The following FHIT variants were observed in gnomAD, a reference collection of about 807,000 sequenced individuals.
FHIT encodes the protein bis(5'-adenosyl)-triphosphatase.
FHIT carries 19 observed loss-of-function variants against 17.9 expected under a neutral mutation model. That is an observed-to-expected ratio of 1.06 (90% CI 0.74 to 1.56). FHIT has a LOEUF of 1.56. Among genes scored for constraint, FHIT ranks in the 40% most tolerant of loss-of-function variants. The probability of loss-of-function intolerance (pLI) is 0.00; values close to 1 mark genes in which losing one functional copy is unlikely to be tolerated. For missense variants in FHIT, 248 were observed against 189.2 expected, an observed-to-expected ratio of 1.31 and a Z score of -1.82; for synonymous variants, 81 against 69.7, an observed-to-expected ratio of 1.16 and a Z score of -0.81.
At chr3:60,892,191 GT>G (rs1705549276) in intron 3 of FHIT, among the ~76,000 whole-genome samples, 1 of 152,148 alleles carries the variant, frequency 6.6e-6, no homozygotes, top group South Asian at 2.1e-4. Context: ...GGTTTGTTTG[GT>G]TTTTTCTTTT....
At chr3:59,966,800 T>C (rs1209280445) in intron 7 of FHIT, among the ~76,000 whole-genome samples, 1 of 152,162 alleles carries the variant, frequency 6.6e-6, no homozygotes, top group Non-Finnish European at 1.5e-5. Flanking sequence ...GGCATTACTG[T>C]ACATTTCTAT....
chr3:60,712,987 C>T (rs1233389317), intron 4 of FHIT, among the ~76,000 whole-genome samples: 2 of 150,588 alleles, frequency 1.3e-5, no homozygotes, highest in Admixed American at 6.6e-5. Flanking sequence ...CTTTTCAGCA[C>T]CACACCACAC....
chr3:60,847,710 C>T (rs1553746984), intron 3 of FHIT, among the ~76,000 whole-genome samples: 4 of 152,074 alleles, frequency 2.6e-5, no homozygotes, highest in Admixed American at 6.6e-5. Context: ...TTCCTTCCTC[C>T]CTTTCTTCTT....
At chr3:60,039,002 G>C (rs1427836554) in intron 5 of FHIT, among the ~76,000 whole-genome samples, 1 of 152,118 alleles carries the variant, frequency 6.6e-6, no homozygotes, top group African/African-American at 2.4e-5. Context: ...CAGAAGGTCT[G>C]GCTCTGAACT....
intron 5 of FHIT, among the ~76,000 whole-genome samples, chr3:60,364,936 C>A (rs944030709): frequency 6.6e-6 from 1 of 152,020 alleles, no homozygotes; most frequent in East Asian, 1.9e-4. Flanking sequence ...TAAATCATAC[C>A]ATAGGCTTTC....
intron 5 of FHIT, among the ~76,000 whole-genome samples, chr3:60,155,322 AC>A (rs2107345014): frequency 6.6e-6 from 1 of 152,172 alleles, no homozygotes; most frequent in Admixed American, 6.5e-5. Flanking sequence ...GAATTGCTCC[AC>A]CAGCAGGTTC....
At chr3:60,514,172 G>T (rs2035057415) in intron 5 of FHIT, among the ~76,000 whole-genome samples, 1 of 152,202 alleles carries the variant, frequency 6.6e-6, no homozygotes, top group Non-Finnish European at 1.5e-5. Flanking sequence ...AAGAATTCAG[G>T]AGGCACTGGG....
At chr3:60,635,462 AC>A (rs1445944436) in intron 4 of FHIT, among the ~76,000 whole-genome samples, 2 of 150,604 alleles carry the variant, frequency 1.3e-5, no homozygotes, top group Non-Finnish European at 3.0e-5. Flanking sequence ...TTGCACATAA[AC>A]CCCCCAACCA....
intron 5 of FHIT, among the ~76,000 whole-genome samples, chr3:60,311,245 C>G (rs1481512389): frequency 8.9e-6 from 1 of 112,710 alleles, no homozygotes; most frequent in Admixed American, 1.0e-4. Context: ...ACCCCTCTAC[C>G]CCAACGTGTG....
chr3:61,232,074 C>T (rs1014410959), intron 1 of FHIT, among the ~76,000 whole-genome samples: 1 of 152,098 alleles, frequency 6.6e-6, no homozygotes, highest in Non-Finnish European at 1.5e-5. Flanking sequence ...CAAGACTGTC[C>T]ATATGTAAAA....
At chr3:60,285,150 T>C (rs1195816046) in intron 5 of FHIT, among the ~76,000 whole-genome samples, 2 of 152,280 alleles carry the variant, frequency 1.3e-5, no homozygotes, top group South Asian at 2.1e-4. Flanking sequence ...CACTGGTTTC[T>C]TCATTAAAGA....
At chr3:61,229,900 G>A (rs1290959893) in intron 1 of FHIT, among the ~76,000 whole-genome samples, 4 of 152,032 alleles carry the variant, frequency 2.6e-5, no homozygotes, top group Admixed American at 1.3e-4. Context: ...TGGGAGGCTG[G>A]AATAAACATC....
chr3:60,438,639 GTTAAC>G (rs1464736855), intron 5 of FHIT, among the ~76,000 whole-genome samples: 4 of 152,210 alleles, frequency 2.6e-5, no homozygotes, highest in East Asian at 3.9e-4. Context: ...ATTACACACT[GTTAAC>G]TTAAATAACA....
intron 5 of FHIT, among the ~76,000 whole-genome samples, chr3:60,202,739 G>A (rs1317008895): frequency 6.6e-6 from 1 of 152,046 alleles, no homozygotes; most frequent in Non-Finnish European, 1.5e-5. Context: ...CCATCATAAG[G>A]CCAAGAATCA....
At chr3:60,185,232 T>G (rs887871911) in intron 5 of FHIT, among the ~76,000 whole-genome samples, 1 of 152,084 alleles carries the variant, frequency 6.6e-6, no homozygotes, top group South Asian at 2.1e-4. Context: ...CAGCGTCAAA[T>G]TGAATAGTTT....
chr3:59,940,459 G>C (rs922317543), intron 7 of FHIT, among the ~76,000 whole-genome samples: 3 of 152,138 alleles, frequency 2.0e-5, no homozygotes, highest in Non-Finnish European at 4.4e-5. Context: ...CTAATGTGGA[G>C]TCAATATACT....
chr3:60,530,878 G>A (rs956679636), intron 5 of FHIT, among the ~76,000 whole-genome samples: 6 of 152,182 alleles, frequency 3.9e-5, no homozygotes, highest in Non-Finnish European at 8.8e-5. Flanking sequence ...GCTATCAGAA[G>A]CTGCTTGTAG....
chr3:61,249,043 T>C (rs2040550953), intron 1 of FHIT, among the ~76,000 whole-genome samples: 1 of 152,334 alleles, frequency 6.6e-6, no homozygotes, highest in Admixed American at 6.5e-5. Flanking sequence ...TTTGTTGAAT[T>C]CATGAAGTAT....
In FHIT at chr3:60,697,036, T is replaced by A. The variant is rs541258865; in HGVS notation, c.-18+124883A>T. On this transcript the variant is annotated intron_variant, in intron 4 of 9. Coordinates refer to ENST00000492590, the MANE Select transcript of FHIT (RefSeq NM_002012.4). Reference sequence around the variant, plus strand: ...GTCTCTCCTACATGGAAAACTCAAGTATACTCAAGTTGTCAATTGTATAAT... The same window carrying A: ...GTCTCTCCTACATGGAAAACTCAAGAATACTCAAGTTGTCAATTGTATAAT... Among the ~76,000 whole-genome samples the A allele has an allele frequency of 7.9e-5, 12 of 152,344 alleles. No homozygotes were observed. The East Asian group carries it at 2.3e-3, about 29-fold the overall frequency.
Sources: allele counts gnomAD v4.1 joint callset (sites outside exome capture counted in the v4.1 genomes callset), GRCh38; gene constraint gnomAD v4.1.1; transcripts MANE v1.5; gene names NCBI Gene and HGNC (gene_info 2026-07-23, HGNC 2026-07-21).